The following KCTD16 variants were observed in gnomAD, a reference collection of about 807,000 sequenced individuals.
The protein encoded by KCTD16 is potassium channel tetramerization domain containing 16.
KCTD16 carries 13 observed loss-of-function variants against 33.2 expected under a neutral mutation model. The ratio of observed to expected loss-of-function variants is 0.39; its 90% CI spans 0.25 to 0.62. KCTD16 has a LOEUF of 0.62. KCTD16 is among the 20% of genes least tolerant of loss of function. KCTD16 has a pLI of 0.50. For synonymous variants in KCTD16, 197 were observed against 195.3 expected (o/e 1.01, Z -0.07); for missense variants, 441 against 525.1 (o/e 0.84, Z 1.57).
intron 3 of KCTD16, among the ~76,000 whole-genome samples, chr5:144,380,875 A>G (rs1292096683): frequency 6.6e-6 from 1 of 152,230 alleles, no homozygotes; most frequent in Non-Finnish European, 1.5e-5. Flanking sequence ...AAGAAAACTT[A>G]GGAAATACCA....
intron 3 of KCTD16, among the ~76,000 whole-genome samples, chr5:144,433,779 G>A (rs1422492170): frequency 6.6e-6 from 1 of 152,132 alleles, no homozygotes; most frequent in African/African-American, 2.4e-5. Context: ...GATGTTTGAA[G>A]TCCTTAAAGC....
intron 3 of KCTD16, among the ~76,000 whole-genome samples, chr5:144,462,820 G>A (rs1754231544): frequency 1.3e-5 from 2 of 152,108 alleles, no homozygotes; most frequent in African/African-American, 4.8e-5. Flanking sequence ...ACTGGTCATT[G>A]AATATATCTG....
chr5:144,338,720 G>T (rs1241123752), intron 3 of KCTD16, among the ~76,000 whole-genome samples: 1 of 152,156 alleles, frequency 6.6e-6, no homozygotes, highest in Non-Finnish European at 1.5e-5. Context: ...GAGAACATGG[G>T]ATGAAGATCA....
At chr5:144,436,321 A>G (rs1753574959) in intron 3 of KCTD16, among the ~76,000 whole-genome samples, 1 of 152,150 alleles carries the variant, frequency 6.6e-6, no homozygotes, top group Admixed American at 6.5e-5. Flanking sequence ...TGGCTCTGTA[A>G]CAGTGTTAAG....
chr5:144,429,118 T>C (rs1223428141), intron 3 of KCTD16, among the ~76,000 whole-genome samples: 1 of 151,980 alleles, frequency 6.6e-6, no homozygotes, highest in Admixed American at 6.6e-5. Context: ...GAAGGTGAAA[T>C]CTAAGGAAAC....
At chr5:144,307,759 G>A (rs1751646179) in intron 3 of KCTD16, among the ~76,000 whole-genome samples, 1 of 152,178 alleles carries the variant, frequency 6.6e-6, no homozygotes, top group South Asian at 2.1e-4. Context: ...GTACATTAAG[G>A]TGAGCTCATG....
chr5:144,362,756 G>A (rs916343747), intron 3 of KCTD16, among the ~76,000 whole-genome samples: 5 of 152,104 alleles, frequency 3.3e-5, no homozygotes, highest in East Asian at 3.9e-4. Flanking sequence ...AGGCAGTACC[G>A]TCTGACACAC....
chr5:144,267,694 G>C (rs1037857849), intron 3 of KCTD16, among the ~76,000 whole-genome samples: 3 of 152,238 alleles, frequency 2.0e-5, no homozygotes, highest in South Asian at 2.1e-4. Flanking sequence ...CAATGGAGGA[G>C]GCAAAACAAA....
intron 3 of KCTD16, among the ~76,000 whole-genome samples, chr5:144,398,765 A>C (rs955319911): frequency 6.6e-6 from 1 of 152,002 alleles, no homozygotes; most frequent in Non-Finnish European, 1.5e-5. Context: ...AGACTCTGGT[A>C]CAGACTTTCC....
chr5:144,380,152 C>T (rs939534416), intron 3 of KCTD16, among the ~76,000 whole-genome samples: 2 of 152,084 alleles, frequency 1.3e-5, no homozygotes, highest in East Asian at 3.9e-4. Context: ...TTTCAGGCTA[C>T]AAAATAAATA....
At chr5:144,399,334 AT>A (rs1187119797) in intron 3 of KCTD16, among the ~76,000 whole-genome samples, 1 of 151,770 alleles carries the variant, frequency 6.6e-6, no homozygotes, top group Non-Finnish European at 1.5e-5. Flanking sequence ...TTCTTTCAAT[AT>A]TTTTTGTGTG....
intron 3 of KCTD16, among the ~76,000 whole-genome samples, chr5:144,360,739 CT>C (rs1011556875): frequency 4.6e-5 from 7 of 152,072 alleles, no homozygotes; most frequent in Non-Finnish European, 1.0e-4. Context: ...CAAACTCATC[CT>C]TTTTTATGGC....
chr5:144,239,037 G>A (rs1020856401), intron 3 of KCTD16, among the ~76,000 whole-genome samples: 1 of 152,104 alleles, frequency 6.6e-6, no homozygotes, highest in Non-Finnish European at 1.5e-5. Context: ...CTCAATAAAT[G>A]GTTGTTGAAT....
intron 2 of KCTD16, chr5:144,206,061 G>T: frequency 6.5e-6 from 1 of 152,680 alleles, no homozygotes; most frequent in Non-Finnish European, 1.5e-5. Flanking sequence ...AAGACTTATT[G>T]CTTTTCCTGT....
chr5:144,444,692 C>A (rs1352162937), intron 3 of KCTD16, among the ~76,000 whole-genome samples: 1 of 151,684 alleles, frequency 6.6e-6, no homozygotes, highest in African/African-American at 2.4e-5. Flanking sequence ...GTCTTACTAT[C>A]AAAAAATCTA....
intron 3 of KCTD16, among the ~76,000 whole-genome samples, chr5:144,317,062 G>C (rs944886023): frequency 6.6e-6 from 1 of 151,728 alleles, no homozygotes; most frequent in African/African-American, 2.4e-5. Flanking sequence ...TCTTGAACTC[G>C]TGATCTGCCC....
intron 3 of KCTD16, among the ~76,000 whole-genome samples, chr5:144,237,658 A>T (rs1250127262): frequency 2.6e-5 from 4 of 152,144 alleles, no homozygotes; most frequent in Admixed American, 2.0e-4. Flanking sequence ...AAAACAAAAA[A>T]CAAAAACACC....
chr5:144,258,682 G>A (rs1192463977), intron 3 of KCTD16, among the ~76,000 whole-genome samples: 1 of 152,172 alleles, frequency 6.6e-6, no homozygotes, highest in Non-Finnish European at 1.5e-5. Context: ...AATTCAAACA[G>A]AGGAAAATAC....
chr5:144,324,378 A>G (rs1048357052), intron 3 of KCTD16, among the ~76,000 whole-genome samples: 1 of 152,192 alleles, frequency 6.6e-6, no homozygotes, highest in South Asian at 2.1e-4. Context: ...TCTGTGAGAT[A>G]CCATCTCACA....
Sources: gnomAD v4.1 joint callset for allele counts (sites outside exome capture counted in the v4.1 genomes callset) on GRCh38, gnomAD v4.1.1 for gene constraint, MANE v1.5 for transcripts, NCBI Gene and HGNC (gene_info 2026-07-23, HGNC 2026-07-21) for gene names.